Variants in DENND5A observed in about 807,000 individuals in gnomAD.
DENND5A encodes DENN domain-containing protein 5A.
In DENND5A, 64 loss-of-function variants were observed where a neutral mutation model predicts 140.3. The ratio of observed to expected loss-of-function variants is 0.46; its 90% confidence interval spans 0.37 to 0.56. DENND5A has a LOEUF of 0.56. Among genes scored for constraint, DENND5A ranks in the 20% least tolerant of loss-of-function variants. DENND5A has a pLI of 0.00. For synonymous variants in DENND5A, 605 were observed against 607.7 expected (o/e 1.00, Z 0.07); for missense variants, 1,292 against 1,593.8 (o/e 0.81, Z 3.22).
At chr11:9,171,176 T>G in intron 8 of DENND5A, 3 of 166,646 alleles carry the variant, frequency 1.8e-5, no homozygotes, top group Non-Finnish European at 2.6e-5. Flanking sequence ...AGAGAGAGAA[T>G]CCAGGGGATC....
intron 1 of DENND5A, among the ~76,000 whole-genome samples, chr11:9,228,123 A>AAC (rs1554930487): frequency 2.0e-5 from 3 of 151,290 alleles, no homozygotes; most frequent in Admixed American, 2.0e-4. Context: ...AAAAAAAAAA[A>AAC]AAAAAAAAAC....
chr11:9,252,189 T>G (rs898353668), intron 1 of DENND5A, among the ~76,000 whole-genome samples: 3 of 146,782 alleles, frequency 2.0e-5, no homozygotes, highest in Non-Finnish European at 4.4e-5. Context: ...TCCCAGCTAC[T>G]CGGGAGGCCA....
intron 1 of DENND5A, among the ~76,000 whole-genome samples, chr11:9,251,961 C>A (rs1012075926): frequency 1.3e-5 from 2 of 150,394 alleles, no homozygotes; most frequent in African/African-American, 4.9e-5. Flanking sequence ...CGTACTCCAG[C>A]CTGGGCGACA....
At position 9,142,067 on chromosome 11, in the gene DENND5A, C is replaced by T. The variant is rs777783501; in HGVS notation, c.3553G>A (p.Val1185Ile). 6.2e-7 allele frequency: 1 copy of T among 1,603,424 alleles called. No homozygotes were observed. Among genetic ancestry groups the T allele is most frequent in the East Asian group, 2.2e-5 (1 of 44,458 alleles). The change falls in exon 22 of 23, where the codon GTA becomes ATA. Residue 1185 changes from valine to isoleucine, a missense_variant. Physicochemically the swap from Val to Ile is conservative, Grantham distance 29. Transcript: ENST00000328194. ...TYYETLEKNE[V>I]VPEENWHTRA... is the part of the protein sequence containing the mutation. ...GTATGCCAGTTTTCCTCAGGGACTA[C>T]TTCATTCTTCTCTAATGTCTCATAA...
In DENND5A at chr11:9,265,254, C is replaced by G. The variant is rs1852397879; in HGVS notation, c.-185G>C. On this transcript the variant is annotated 5_prime_UTR_variant, in exon 1 of 23. Coordinates refer to ENST00000328194, the MANE Select transcript of DENND5A (RefSeq NM_015213.4). The surrounding 1 kb of genome is among the most constrained non-coding windows in gnomAD (Gnocchi z 4.7). ...GCTGCCGTGACGGGGCGGGGGGGCACCGGGCCGCCCCGCACCGCATCCTGG... is the reference window on the plus strand; with the variant it reads ...GCTGCCGTGACGGGGCGGGGGGGCAGCGGGCCGCCCCGCACCGCATCCTGG... 1 of 256,282 alleles carries G rather than the reference C, an allele frequency of 3.9e-6. No individual in the cohort carries two copies. The highest frequency in any genetic ancestry group is 2.3e-5 in the African/African-American group (1 of 43,326). 15.9% of individuals were successfully genotyped at this position (256,282 alleles called of 1,614,324 possible).
intron 1 of DENND5A, among the ~76,000 whole-genome samples, chr11:9,230,754 AG>A (rs1564929031): frequency 6.6e-6 from 1 of 152,140 alleles, no homozygotes; most frequent in Non-Finnish European, 1.5e-5. Context: ...GAATTTTGGG[AG>A]GCCAAGGCGG....
At chr11:9,223,107 C>T (rs960380831) in intron 1 of DENND5A, among the ~76,000 whole-genome samples, 4 of 152,096 alleles carry the variant, frequency 2.6e-5, no homozygotes, top group Admixed American at 6.6e-5. Flanking sequence ...CTGTAATAGC[C>T]GGCTGGGCGC....
At chr11:9,212,710 G>T (rs77846322) in intron 1 of DENND5A, among the ~76,000 whole-genome samples, 3,326 of 152,174 alleles carry the variant, frequency 0.022, 117 homozygotes, top group African/African-American at 0.076. Flanking sequence ...AAAAATGAGG[G>T]CAAATTAAAA....
At chr11:9,200,453 G>T (rs1849485393) in intron 4 of DENND5A, among the ~76,000 whole-genome samples, 1 of 152,226 alleles carries the variant, frequency 6.6e-6, no homozygotes, top group Non-Finnish European at 1.5e-5. Context: ...ACTACATTCA[G>T]CCAGCAGATG....
intron 1 of DENND5A, among the ~76,000 whole-genome samples, chr11:9,250,851 C>T (rs1007200104): frequency 4.6e-5 from 7 of 151,928 alleles, no homozygotes; most frequent in East Asian, 1.9e-4. Flanking sequence ...CAAGGACTTC[C>T]GGCCGGGTGC....
chr11:9,151,683 A>G (rs1461837982), intron 13 of DENND5A, among the ~76,000 whole-genome samples: 1 of 152,260 alleles, frequency 6.6e-6, no homozygotes, highest in Non-Finnish European at 1.5e-5. Context: ...AAGTAAAAGA[A>G]GCAGGGAGAC....
intron 1 of DENND5A, among the ~76,000 whole-genome samples, chr11:9,219,583 C>T (rs1850229801): frequency 6.6e-6 from 1 of 152,116 alleles, no homozygotes; most frequent in Non-Finnish European, 1.5e-5. Context: ...AAACGACTTA[C>T]ATATGGGATG....
chr11:9,147,249 G>C (rs1847463250), intron 15 of DENND5A, 98 bp from the exon 16 acceptor site: 1 of 1,327,016 alleles, frequency 7.5e-7, no homozygotes. Context: ...GGAAGCATAA[G>C]ATGTCAAGCT....
At chr11:9,241,545 A>G (rs1278867397) in intron 1 of DENND5A, among the ~76,000 whole-genome samples, 2 of 152,104 alleles carry the variant, frequency 1.3e-5, no homozygotes, top group Non-Finnish European at 2.9e-5. Flanking sequence ...CCTCAGTAAC[A>G]TTGTAAACAA....
intron 1 of DENND5A, among the ~76,000 whole-genome samples, chr11:9,225,544 G>A (rs991544029): frequency 6.6e-6 from 1 of 152,130 alleles, no homozygotes; most frequent in East Asian, 1.9e-4. Flanking sequence ...CCGATCACTT[G>A]TGGTCAGGAT....
Position 9,202,444 on chromosome 11 carries a change from C to T in DENND5A, c.949+1216G>A, listed in dbSNP as rs142840288. ...TCTCAATGGTTCAGTTATGTTCACA[C>T]ACAGAGATCATAATAAAGCAAATGT... is the stretch of plus-strand genomic sequence containing the variant. On this transcript the variant is annotated intron_variant, in intron 4 of 22. Transcript: ENST00000328194. Among the ~76,000 whole-genome samples, 964 of 152,236 alleles carry T rather than the reference C, an allele frequency of 6.3e-3. 13 individuals are homozygous for T. The highest frequency in any genetic ancestry group is 0.022 in the African/African-American group (902 of 41,536).
chr11:9,248,970 G>A (rs903817471), intron 1 of DENND5A, among the ~76,000 whole-genome samples: 1 of 152,140 alleles, frequency 6.6e-6, no homozygotes, highest in African/African-American at 2.4e-5. Flanking sequence ...GGGCGCGGTG[G>A]CTCACACCTG....
intron 1 of DENND5A, among the ~76,000 whole-genome samples, chr11:9,243,111 AAAAAAC>A: frequency 1.3e-5 from 2 of 148,584 alleles, no homozygotes; most frequent in Non-Finnish European, 3.0e-5. Flanking sequence ...AAAACAAAAA[AAAAAAC>A]TGAGGCGAGT....
At chr11:9,262,802 C>T (rs1429703198) in intron 1 of DENND5A, among the ~76,000 whole-genome samples, 1 of 151,712 alleles carries the variant, frequency 6.6e-6, no homozygotes, top group Non-Finnish European at 1.5e-5. Flanking sequence ...AGTGCAGTGG[C>T]GCGATCTGGG....
Sources: gnomAD v4.1 joint callset for allele counts (sites outside exome capture counted in the v4.1 genomes callset) on GRCh38, gnomAD v4.1.1 for gene constraint, Gnocchi (gnomAD v3.1) non-coding constraint, MANE v1.5 for transcripts, NCBI Gene and HGNC (gene_info 2026-07-23, HGNC 2026-07-21) for gene names.